Variants in PRPSAP1 observed in about 807,000 individuals in gnomAD.
The protein encoded by PRPSAP1 is phosphoribosyl pyrophosphate synthetase associated protein 1.
A neutral mutation model predicts 39.4 loss-of-function variants in PRPSAP1; 31 were observed. The observed-to-expected ratio is 0.79, with a 90% CI of 0.59 to 1.06. The LOEUF (loss-of-function observed/expected upper bound fraction) is 1.06, where lower values mean the gene tolerates loss of function less well. Ranked by LOEUF, PRPSAP1 falls within the 50% of genes least tolerant of loss-of-function variation. PRPSAP1 has a pLI of 0.00. For synonymous variants in PRPSAP1, 212 were observed against 192.6 expected (o/e 1.10, Z -0.83); for missense variants, 430 against 511.6 (o/e 0.84, Z 1.54).
intron 3 of PRPSAP1, among the ~76,000 whole-genome samples, chr17:76,336,362 TG>T (rs1398038938): frequency 6.7e-6 from 1 of 148,910 alleles, no homozygotes; most frequent in Non-Finnish European, 1.5e-5. Flanking sequence ...TGCTTGAACC[TG>T]GGAGGCAGAG....
intron 6 of PRPSAP1, among the ~76,000 whole-genome samples, chr17:76,329,583 A>C (rs1187890945): frequency 6.6e-6 from 1 of 152,054 alleles, no homozygotes; most frequent in African/African-American, 2.4e-5. Context: ...AAAAATACAA[A>C]AAACTAGCCA....
intron 1 of PRPSAP1, 58 bp downstream of exon 1, chr17:76,353,476 G>A (rs931654392): frequency 4.7e-5 from 67 of 1,423,570 alleles, no homozygotes; most frequent in African/African-American, 1.4e-4. Context: ...GTCCCTCCGG[G>A]CGCGAAGGAG....
chr17:76,339,498 C>A (rs2071413284), intron 3 of PRPSAP1, among the ~76,000 whole-genome samples: 1 of 151,818 alleles, frequency 6.6e-6, no homozygotes, highest in African/African-American at 2.4e-5. Context: ...TCCAACCTGT[C>A]TTTTTTCCAA....
At chr17:76,328,894 C>A (rs1431092311) in intron 6 of PRPSAP1, 32 bp from the exon 7 acceptor site, 22 of 1,583,114 alleles carry the variant, frequency 1.4e-5, no homozygotes, top group Non-Finnish European at 1.6e-5. Context: ...GTGAAACTGA[C>A]AGGAAGAAAT....
intron 1 of PRPSAP1, among the ~76,000 whole-genome samples, chr17:76,351,037 A>G (rs1016599077): frequency 6.6e-6 from 1 of 152,098 alleles, no homozygotes; most frequent in African/African-American, 2.4e-5. Context: ...CGTCTCAAAA[A>G]CAAACAAACA....
rs2071321817 is a variant in PRPSAP1, at chr17:76,331,488, C to T, written c.463+775G>A. ...TCTCATCATTATTCCCTAAACAAGA[C>T]AGCATAACAACAATTTATATAGTGT... On this transcript the variant is annotated intron_variant, in intron 4 of 9. Coordinates refer to ENST00000446526, the MANE Select transcript of PRPSAP1 (RefSeq NM_002766.3). 2.6e-5 allele frequency among the ~76,000 whole-genome samples: 4 copies of T among 152,162 alleles called. No individual in the cohort carries two copies. In the South Asian group the frequency reaches 8.3e-4, roughly 32 times the overall value.
At chr17:76,345,033 A>T (rs185982304) in intron 2 of PRPSAP1, among the ~76,000 whole-genome samples, 6 of 152,052 alleles carry the variant, frequency 3.9e-5, no homozygotes, top group Admixed American at 3.9e-4. Context: ...CAGGAGATCG[A>T]GACCATCCTG....
At chr17:76,338,181 A>G (rs934610120) in intron 3 of PRPSAP1, among the ~76,000 whole-genome samples, 1 of 152,188 alleles carries the variant, frequency 6.6e-6, no homozygotes, top group Non-Finnish European at 1.5e-5. Flanking sequence ...ATATGCTGCA[A>G]GTTTGGAAGC....
At chr17:76,331,158 T>C (rs2071317656) in intron 4 of PRPSAP1, among the ~76,000 whole-genome samples, 1 of 152,186 alleles carries the variant, frequency 6.6e-6, no homozygotes. Context: ...ACAAAGAATG[T>C]TTCAAGTATT....
At chr17:76,353,443 G>A (rs1056028738) in intron 1 of PRPSAP1, 91 bp downstream of exon 1, 25 of 1,257,194 alleles carry the variant, frequency 2.0e-5, no homozygotes, top group Non-Finnish European at 2.6e-5. Context: ...GGTGCAGGAG[G>A]TGGGGCGGGT....
rs1365721609 is a variant in PRPSAP1 at position 76,310,415 on chromosome 17, C to G, written c.*1127G>C. 6.6e-6 allele frequency: 1 copy of G among 152,102 alleles called. No individual in the cohort carries two copies. Among genetic ancestry groups the G allele is most frequent in the Non-Finnish European group, 1.5e-5 (1 of 68,068 alleles). 9.4% of individuals were successfully genotyped at this position (152,102 alleles called of 1,614,324 possible). On this transcript the variant is annotated 3_prime_UTR_variant, in exon 10 of 10. Transcript: ENST00000446526. ...AAACTCCTGACCTCAGGTGATCTAC[C>G]TGCCTCGGCCTCCCAAAGTGCAGGG... is the stretch of plus-strand genomic sequence containing the variant.
At chr17:76,336,061 G>C (rs2071374931) in intron 3 of PRPSAP1, among the ~76,000 whole-genome samples, 1 of 152,174 alleles carries the variant, frequency 6.6e-6, no homozygotes, top group African/African-American at 2.4e-5. Flanking sequence ...GGAGAACACA[G>C]CACAAGGGAG....
intron 3 of PRPSAP1, among the ~76,000 whole-genome samples, chr17:76,333,487 A>G (rs535673237): frequency 6.6e-6 from 1 of 152,182 alleles, no homozygotes; most frequent in South Asian, 2.1e-4. Context: ...TCTACTAAAA[A>G]TACAAAAATT....
At chr17:76,351,578 T>C (rs906126616) in intron 1 of PRPSAP1, among the ~76,000 whole-genome samples, 1 of 151,832 alleles carries the variant, frequency 6.6e-6, no homozygotes, top group African/African-American at 2.4e-5. Flanking sequence ...TCCCAGCTAC[T>C]TTCGAGGCTG....
chr17:76,328,662 A>C, intron 7 of PRPSAP1, 55 bp downstream of exon 7: 2 of 1,551,340 alleles, frequency 1.3e-6, no homozygotes, highest in Non-Finnish European at 8.7e-7. Context: ...CAAAACCAAC[A>C]AAAAAAAACT....
intron 7 of PRPSAP1, among the ~76,000 whole-genome samples, chr17:76,326,044 T>C (rs1354318418): frequency 6.6e-6 from 1 of 152,182 alleles, no homozygotes; most frequent in Non-Finnish European, 1.5e-5. Flanking sequence ...AAAAAATTCA[T>C]GAGACTCACT....
intron 2 of PRPSAP1, among the ~76,000 whole-genome samples, chr17:76,347,523 A>G (rs959825762): frequency 2.7e-5 from 4 of 149,382 alleles, no homozygotes; most frequent in Non-Finnish European, 5.9e-5. Flanking sequence ...GAAAGCAGAC[A>G]GAGTGAGGGG....
Position 76,309,533 on chromosome 17 carries a change from A to G in PRPSAP1, c.*2009T>C, listed in dbSNP as rs1366987700. 6.6e-6 allele frequency: 1 copy of G among 152,168 alleles called. No homozygotes were observed. Among genetic ancestry groups the G allele is most frequent in the Non-Finnish European group, 1.5e-5 (1 of 68,022 alleles). The allele number at this position is 152,168 out of a possible 1,614,324, so 9.4% of individuals were successfully genotyped here. A position where few individuals can be genotyped will look rare whatever the true frequency, so the allele number is the denominator to read the frequency against. Reference sequence around the variant, plus strand: ...ATAAATAAAACTTCCTAACAGAAGCACAGCAAGGCTACTTAAAGAGAACCT... The same window carrying G: ...ATAAATAAAACTTCCTAACAGAAGCGCAGCAAGGCTACTTAAAGAGAACCT... On this transcript the variant is annotated 3_prime_UTR_variant, in exon 10 of 10. Transcript: ENST00000446526.
chr17:76,331,035 T>C (rs2071316386), intron 4 of PRPSAP1, among the ~76,000 whole-genome samples: 1 of 152,158 alleles, frequency 6.6e-6, no homozygotes, highest in Non-Finnish European at 1.5e-5. Context: ...GATAAAGAAC[T>C]GTAGCGAAGG....
Sources: allele counts gnomAD v4.1 joint callset (sites outside exome capture counted in the v4.1 genomes callset), GRCh38; gene constraint gnomAD v4.1.1; transcripts MANE v1.5; gene names NCBI Gene and HGNC (gene_info 2026-07-23, HGNC 2026-07-21).